Variants in RPF2 observed in about 807,000 individuals in gnomAD.
RPF2 encodes ribosome production factor 2 homolog.
A neutral mutation model predicts 38.9 loss-of-function variants in RPF2; 21 were observed. The ratio of observed to expected loss-of-function variants is 0.54; its 90% CI spans 0.38 to 0.78. RPF2 has a LOEUF of 0.78. RPF2 is among the 30% of genes least tolerant of loss of function. The pLI, the probability that RPF2 is intolerant of heterozygous loss-of-function variation, is 0.00. For synonymous variants in RPF2, 121 were observed against 126.2 expected, an observed-to-expected ratio of 0.96 and a Z score of 0.28; for missense variants, 314 against 358.1, an observed-to-expected ratio of 0.88 and a Z score of 0.99.
chr6:111,011,445 C>T (rs1250480917), intron 7 of RPF2, among the ~76,000 whole-genome samples: 1 of 151,940 alleles, frequency 6.6e-6, no homozygotes, highest in Non-Finnish European at 1.5e-5. Context: ...TGCCACCACA[C>T]CCGGCTAATT....
intron 3 of RPF2, among the ~76,000 whole-genome samples, chr6:110,989,494 C>T (rs1004641662): frequency 2.6e-5 from 4 of 151,916 alleles, no homozygotes; most frequent in Admixed American, 6.6e-5. Context: ...TGTTGTCGCC[C>T]GGCTGGAGTG....
At chr6:110,994,022 A>G (rs1280125625) in intron 4 of RPF2, among the ~76,000 whole-genome samples, 1 of 152,152 alleles carries the variant, frequency 6.6e-6, no homozygotes, top group Non-Finnish European at 1.5e-5. Flanking sequence ...CATGCCTGTA[A>G]TCCCAGCGCT....
At chr6:111,004,604 G>A (rs1771877270) in intron 6 of RPF2, among the ~76,000 whole-genome samples, 1 of 151,110 alleles carries the variant, frequency 6.6e-6, no homozygotes, top group African/African-American at 2.4e-5. Flanking sequence ...GGAGTGCAGT[G>A]GTGCTATCTC....
intron 4 of RPF2, among the ~76,000 whole-genome samples, chr6:110,994,734 TACACACACAC>T (rs71021820): frequency 4.5e-5 from 6 of 134,070 alleles, no homozygotes; most frequent in African/African-American, 6.4e-5. Context: ...TGAGTATATA[TACACACACAC>T]ACACACACAC....
intron 6 of RPF2, 22 bp from the exon 7 acceptor site, chr6:111,008,016 T>G: frequency 6.6e-7 from 1 of 1,525,520 alleles, no homozygotes; most frequent in Non-Finnish European, 8.8e-7. Flanking sequence ...ATTATATAAT[T>G]GCTTTTTTTT....
At chr6:111,004,946 T>A (rs546643390) in intron 6 of RPF2, among the ~76,000 whole-genome samples, 277 of 151,732 alleles carry the variant, frequency 1.8e-3, no homozygotes, top group Middle Eastern at 3.4e-3. Flanking sequence ...TTTTTTTTTT[T>A]ATTACTATGC....
In RPF2 at chr6:111,015,864, C is replaced by T. The variant is rs1396735971; in HGVS notation, c.596+8C>T. The T allele has an allele frequency of 7.1e-6, 11 of 1,546,170 alleles. 1 individual carries two copies. Among genetic ancestry groups the T allele is most frequent in the South Asian group, 5.6e-5 (5 of 89,658 alleles). On this transcript the variant is annotated splice_region_variant and intron_variant, in intron 8 of 9. Coordinates refer to ENST00000441448, the MANE Select transcript of RPF2 (RefSeq NM_032194.3). Reference sequence around the variant, plus strand: ...TTACTTTCGAAGCTATAAGTAAGTGCATTTCTTCACATATTTTCTTAATCC... The same window carrying T: ...TTACTTTCGAAGCTATAAGTAAGTGTATTTCTTCACATATTTTCTTAATCC...
At chr6:110,998,126 A>G (rs1771749962) in intron 5 of RPF2, among the ~76,000 whole-genome samples, 1 of 151,944 alleles carries the variant, frequency 6.6e-6, no homozygotes. Context: ...GCTGGTCTTG[A>G]ACTCCTGACC....
chr6:110,999,899 T>C lies in RPF2; in HGVS notation c.393+112T>C. On this transcript the variant is annotated intron_variant, in intron 6 of 9. Transcript: ENST00000441448. ...TTTGTAGATCAAGAACTTTGTGTTT[T>C]TATTTTGACATGCTCCAGGATAAAA... The C allele has an allele frequency of 3.2e-6, 2 of 617,710 alleles. 1 individual carries two copies. Among genetic ancestry groups the C allele is most frequent in the South Asian group, 4.2e-5 (2 of 47,586 alleles). 38.3% of individuals were successfully genotyped at this position (617,710 alleles called of 1,614,324 possible). A position where few individuals can be genotyped will look rare whatever the true frequency, so the allele number is the denominator to read the frequency against.
At chr6:110,994,745 A>ACACACT (rs1234278241) in intron 4 of RPF2, among the ~76,000 whole-genome samples, 2 of 150,040 alleles carry the variant, frequency 1.3e-5, no homozygotes, top group Admixed American at 1.3e-4. Context: ...ACACACACAC[A>ACACACT]CACACACACA....
rs575404523 is a variant in RPF2 at position 110,985,848 on chromosome 6, G to A, written c.156+710G>A. Among the ~76,000 whole-genome samples, 5 of 150,630 alleles carry A rather than the reference G, an allele frequency of 3.3e-5. No individual in the cohort carries two copies. The East Asian group carries it at 9.9e-4, about 30-fold the overall frequency. On this transcript the variant is annotated intron_variant, in intron 2 of 9. Transcript: ENST00000441448. ...AGTTGCTCGGGAGGCTGAGGCAGGA[G>A]AATCGCCTGAACCTGGGAGGTGGAG...
At chr6:110,995,864 A>C (rs951796311) in intron 4 of RPF2, among the ~76,000 whole-genome samples, 1 of 152,120 alleles carries the variant, frequency 6.6e-6, no homozygotes, top group Non-Finnish European at 1.5e-5. Flanking sequence ...GCTGGAGTGC[A>C]GTGATGCCAT....
chr6:111,011,015 G>T (rs916212199), intron 7 of RPF2, among the ~76,000 whole-genome samples: 4 of 152,148 alleles, frequency 2.6e-5, no homozygotes, highest in African/African-American at 9.7e-5. Flanking sequence ...CCATTTCACA[G>T]ATGGGAAAAC....
chr6:110,984,506 A>T (rs1771489701), intron 1 of RPF2, among the ~76,000 whole-genome samples: 1 of 152,184 alleles, frequency 6.6e-6, no homozygotes, highest in South Asian at 2.1e-4. Flanking sequence ...ACACTTATTT[A>T]ACAATAATAA....
intron 6 of RPF2, among the ~76,000 whole-genome samples, chr6:111,002,675 A>G (rs976898856): frequency 6.6e-6 from 1 of 151,936 alleles, no homozygotes; most frequent in East Asian, 1.9e-4. Context: ...TGAACACTAC[A>G]TTTTCACTCA....
intron 8 of RPF2, among the ~76,000 whole-genome samples, chr6:111,021,098 G>A (rs974948606): frequency 5.3e-5 from 8 of 152,166 alleles, no homozygotes; most frequent in Non-Finnish European, 4.4e-5. Flanking sequence ...GAACCACGGA[G>A]TCGGAGATTG....
At chr6:111,016,630 A>G (rs1329907054) in intron 8 of RPF2, among the ~76,000 whole-genome samples, 2 of 147,514 alleles carry the variant, frequency 1.4e-5, no homozygotes, top group African/African-American at 2.5e-5. Flanking sequence ...AGCAGATTCT[A>G]TGTTTATTAA....
intron 7 of RPF2, 74 bp downstream of exon 7, chr6:111,008,211 G>C (rs1186272170): frequency 1.4e-5 from 21 of 1,449,192 alleles, no homozygotes; most frequent in Non-Finnish European, 1.9e-5. Context: ...GTGGCACTTT[G>C]CTACTTTAGG....
rs368929713 is a variant in RPF2, at chr6:110,982,073, G to A, written c.-34G>A. 6.8e-6 allele frequency: 11 copies of A among 1,613,696 alleles called. No individual in the cohort carries two copies. In the African/African-American group the frequency reaches 1.2e-4, roughly 18 times the overall value. On this transcript the variant is annotated 5_prime_UTR_variant, in exon 1 of 10. The change abolishes an upstream ATG in the 5' untranslated region. Transcript: ENST00000441448. Reference sequence around the variant, plus strand: ...ACGTAATCGCCGAGGGCACGTGCATGCCCCCTGGTTAAGAGTTGCAGGTAG... The same window carrying A: ...ACGTAATCGCCGAGGGCACGTGCATACCCCCTGGTTAAGAGTTGCAGGTAG...
Sources: gnomAD v4.1 joint callset for allele counts (sites outside exome capture counted in the v4.1 genomes callset) on GRCh38, gnomAD v4.1.1 for gene constraint, MANE v1.5 for transcripts, NCBI Gene and HGNC (gene_info 2026-07-23, HGNC 2026-07-21) for gene names.